Variants in THADA observed in about 807,000 individuals in gnomAD.
THADA encodes the protein THADA armadillo repeat containing.
In THADA, 213 loss-of-function variants were observed where a neutral mutation model predicts 219.8. The ratio of observed to expected loss-of-function variants is 0.97; its 90% CI spans 0.87 to 1.09. The LOEUF is 1.09. THADA is among the 50% of genes least tolerant of loss of function. THADA has a pLI of 0.00. For missense variants in THADA, 2,956 were observed against 2,311.3 expected (o/e 1.28, Z -5.72); for synonymous variants, 1,018 against 828.9 (o/e 1.23, Z -3.92).
chr2:43,387,796 T>G (rs1672879010), intron 29 of THADA, among the ~76,000 whole-genome samples: 1 of 151,996 alleles, frequency 6.6e-6, no homozygotes, highest in Non-Finnish European at 1.5e-5. Context: ...ATGTCAAGAG[T>G]GCCGAGGCTG....
Position 43,577,148 on chromosome 2 carries a change from TGA to T in THADA, c.909_910del (p.Gln304ValfsTer44). The T allele has an allele frequency of 6.2e-7, 1 of 1,611,286 alleles. No homozygotes were observed. Among genetic ancestry groups the T allele is most frequent in the Non-Finnish European group, 8.5e-7 (1 of 1,178,852 alleles). On this transcript the variant is annotated frameshift_variant, in exon 10 of 38. Transcript: ENST00000405975. LOFTEE classifies it high-confidence loss of function. ...CTGACAGAGGAATAAGACAGCTGAC[TGA>T]GAGATGTCACCACAACAGAGGCTCC...
chr2:43,374,237 A>G (rs114332566), intron 29 of THADA, among the ~76,000 whole-genome samples: 26 of 152,366 alleles, frequency 1.7e-4, no homozygotes, highest in Admixed American at 4.6e-4. Context: ...AACGGAAAAC[A>G]TATTAGTGCA....
At chr2:43,378,111 A>G (rs1206667474) in intron 29 of THADA, among the ~76,000 whole-genome samples, 1 of 152,210 alleles carries the variant, frequency 6.6e-6, no homozygotes, top group Non-Finnish European at 1.5e-5. Context: ...TAATGAAAAG[A>G]CTAAAAGACA....
rs1438355801 is a variant in THADA at position 43,320,535 on chromosome 2, T to C, written c.4349A>G (p.Asn1450Ser). ...KAKLWLAKRQ[N>S]PCLVTRAVYI... ...TACAGCTCTGGTCACCAAACATGGATTTTGCCTAGAAAGGTAAAGAACAGA... is the reference window on the plus strand; with the variant it reads ...TACAGCTCTGGTCACCAAACATGGACTTTGCCTAGAAAGGTAAAGAACAGA... The change falls in exon 31 of 38, where the codon AAT becomes AGT. Residue 1450 changes from asparagine to serine, a missense_variant. Coordinates refer to ENST00000405975, the MANE Select transcript of THADA (RefSeq NM_022065.5). 8 of 1,611,218 alleles carry C rather than the reference T, an allele frequency of 5.0e-6. No individual in the cohort carries two copies. The South Asian group carries it at 7.7e-5, about 16-fold the overall frequency.
intron 34 of THADA, among the ~76,000 whole-genome samples, chr2:43,290,666 C>T (rs1674587425): frequency 6.6e-6 from 1 of 152,154 alleles, no homozygotes; most frequent in Non-Finnish European, 1.5e-5. Context: ...AGTACCTACA[C>T]AGCAGTGCTA....
intron 25 of THADA, among the ~76,000 whole-genome samples, chr2:43,490,632 A>G (rs1013583709): frequency 2.0e-5 from 3 of 152,176 alleles, no homozygotes; most frequent in South Asian, 2.1e-4. Flanking sequence ...CTCCCTCATT[A>G]GCAGTTTTGC....
chr2:43,573,371 CCT>C (rs1163943790), intron 11 of THADA, among the ~76,000 whole-genome samples: 4 of 152,150 alleles, frequency 2.6e-5, no homozygotes, highest in African/African-American at 4.8e-5. Context: ...AAACACTGAA[CCT>C]CTCTGCATAT....
At chr2:43,566,011 C>A in intron 15 of THADA, 1 of 154,582 alleles carries the variant, frequency 6.5e-6, no homozygotes, top group Non-Finnish European at 1.4e-5. Context: ...TCGCTTGAAC[C>A]CAGCAGGCGG....
At chr2:43,439,864 A>C in intron 26 of THADA, among the ~76,000 whole-genome samples, 1 of 152,180 alleles carries the variant, frequency 6.6e-6, no homozygotes, top group South Asian at 2.1e-4. Context: ...GTTATTCTTT[A>C]AACCTTATAC....
chr2:43,438,999 C>T (rs1463594167), intron 26 of THADA, among the ~76,000 whole-genome samples: 1 of 152,134 alleles, frequency 6.6e-6, no homozygotes, highest in African/African-American at 2.4e-5. Context: ...GATAAATTGC[C>T]TATGTGATAA....
intron 22 of THADA, among the ~76,000 whole-genome samples, chr2:43,525,937 T>C (rs1381061640): frequency 6.6e-6 from 1 of 152,242 alleles, no homozygotes. Flanking sequence ...CTCTCCTTAC[T>C]ATAATCTGTA....
chr2:43,578,762 C>A (rs184147228), intron 8 of THADA, among the ~76,000 whole-genome samples, 155 bp from the exon 9 acceptor site: 1 of 152,152 alleles, frequency 6.6e-6, no homozygotes, highest in African/African-American at 2.4e-5. Flanking sequence ...TTTAACATCC[C>A]ACAGACTCTC....
intron 28 of THADA, among the ~76,000 whole-genome samples, chr2:43,420,008 T>G (rs1457421958): frequency 6.6e-6 from 1 of 152,250 alleles, no homozygotes; most frequent in Non-Finnish European, 1.5e-5. Flanking sequence ...CTCTTTATGA[T>G]GCCTTCCAAG....
Position 43,574,781 on chromosome 2 carries a change from A to C in THADA, c.1284T>G (p.Gly428=), listed in dbSNP as rs753631546. Residue 428 remains glycine, a synonymous_variant, in exon 11 of 38, where the codon GGT becomes GGG. Transcript: ENST00000405975. ...LLQMHRLTVE[G]ADFVPDPFFV... is the part of the protein sequence containing the mutation. Reference sequence around the variant, plus strand: ...AGAAAGGATCAGGGACGAAATCTGCACCTTCCACAGTGAGCCGGTGCATTT... The same window carrying C: ...AGAAAGGATCAGGGACGAAATCTGCCCCTTCCACAGTGAGCCGGTGCATTT... 3.7e-6 allele frequency: 6 copies of C among 1,614,024 alleles called. No homozygotes were observed. Among genetic ancestry groups the C allele is most frequent in the Non-Finnish European group, 5.1e-6 (6 of 1,179,888 alleles).
rs70963396 is a variant in THADA, at chr2:43,425,446, A to ATGTGTGTGTGTGTGTG, written c.4058+2638_4058+2653dup. 2.2e-4 allele frequency among the ~76,000 whole-genome samples: 31 copies of ATGTGTGTGTGTGTGTG among 140,514 alleles called. 1 individual carries two copies. Among genetic ancestry groups the ATGTGTGTGTGTGTGTG allele is most frequent in the African/African-American group, 7.3e-4 (27 of 37,046 alleles). 92.2% of individuals were successfully genotyped at this position (140,514 alleles called of 152,430 possible). A position where few individuals can be genotyped will look rare whatever the true frequency, so the allele number is the denominator to read the frequency against. ...CTACTGTCTAGCTTGTTAAAATTGT[A>ATGTGTGTGTGTGTGTG]TGTGTGTGTGTGTGTGTGTGTGTGT... On this transcript the variant is annotated intron_variant, in intron 28 of 37. Coordinates refer to ENST00000405975, the MANE Select transcript of THADA (RefSeq NM_022065.5).
At chr2:43,360,763 G>A (rs906994989) in intron 29 of THADA, among the ~76,000 whole-genome samples, 3 of 152,292 alleles carry the variant, frequency 2.0e-5, no homozygotes, top group African/African-American at 7.2e-5. Context: ...TATGAGGATC[G>A]TTTGGGAAAG....
At chr2:43,246,365 G>T (rs1332496332) in intron 36 of THADA, among the ~76,000 whole-genome samples, 4 of 152,036 alleles carry the variant, frequency 2.6e-5, no homozygotes, top group Non-Finnish European at 1.5e-5. Context: ...CACGGTGGTG[G>T]GCGCCTGTAG....
At chr2:43,349,861 G>A (rs1022503824) in intron 29 of THADA, among the ~76,000 whole-genome samples, 2 of 152,176 alleles carry the variant, frequency 1.3e-5, no homozygotes, top group Non-Finnish European at 2.9e-5. Context: ...GCAGACTGCA[G>A]GTGAATATTT....
intron 29 of THADA, among the ~76,000 whole-genome samples, chr2:43,373,183 A>C (rs1242499022): frequency 1.3e-5 from 2 of 152,204 alleles, no homozygotes; most frequent in African/African-American, 4.8e-5. Flanking sequence ...TTAAGGTTAA[A>C]TGTTAGGGGA....
Sources: allele counts gnomAD v4.1 joint callset (sites outside exome capture counted in the v4.1 genomes callset), GRCh38; gene constraint gnomAD v4.1.1; transcripts MANE v1.5; gene names NCBI Gene and HGNC (gene_info 2026-07-23, HGNC 2026-07-21).